The following ASIC2 variants were observed in gnomAD, a reference collection of about 807,000 sequenced individuals.
The protein encoded by ASIC2 is acid sensing ion channel subunit 2.
ASIC2 carries 25 observed loss-of-function variants against 57.3 expected under a neutral mutation model. The ratio of observed to expected loss-of-function variants is 0.44; its 90% CI spans 0.32 to 0.61. The LOEUF (loss-of-function observed/expected upper bound fraction) is 0.61, where lower values mean the gene tolerates loss of function less well. Ranked by LOEUF, ASIC2 falls within the 20% of genes least tolerant of loss-of-function variation. ASIC2 has a pLI of 0.06. For missense variants in ASIC2, 641 were observed against 738.1 expected (o/e 0.87, Z 1.52); for synonymous variants, 319 against 307.5 (o/e 1.04, Z -0.39).
At chr17:33,366,092 T>C (rs1406838025) in intron 1 of ASIC2, among the ~76,000 whole-genome samples, 2 of 152,252 alleles carry the variant, frequency 1.3e-5, no homozygotes, top group African/African-American at 4.8e-5. Flanking sequence ...TGTTTGCTTC[T>C]GGCTGATGAC....
chr17:33,683,520 T>C (rs1399809724), intron 1 of ASIC2, among the ~76,000 whole-genome samples: 1 of 152,194 alleles, frequency 6.6e-6, no homozygotes, highest in Non-Finnish European at 1.5e-5. Flanking sequence ...TATAGGCACA[T>C]GCCATCATGC....
At chr17:33,093,579 G>A (rs954825200) in intron 2 of ASIC2, among the ~76,000 whole-genome samples, 2 of 152,150 alleles carry the variant, frequency 1.3e-5, no homozygotes, top group East Asian at 1.9e-4. Context: ...ACCAAGAGGA[G>A]TGTGGTAAGA....
At chr17:34,038,414 T>C in intron 1 of ASIC2, 1 of 1,612,144 alleles carries the variant, frequency 6.2e-7, no homozygotes, top group Non-Finnish European at 8.5e-7. Context: ...ACATGCATGC[T>C]TGTGGTAATT....
intron 1 of ASIC2, among the ~76,000 whole-genome samples, chr17:33,897,661 C>T (rs944424553): frequency 6.6e-6 from 1 of 152,132 alleles, no homozygotes; most frequent in African/African-American, 2.4e-5. Context: ...AGTTAATATC[C>T]CTGGAAGGCT....
chr17:33,837,141 T>C (rs956808217), intron 1 of ASIC2, among the ~76,000 whole-genome samples: 1 of 152,144 alleles, frequency 6.6e-6, no homozygotes, highest in Non-Finnish European at 1.5e-5. Context: ...CCTGGTGTGA[T>C]GTCAAGTCTT....
chr17:33,660,452 G>T (rs1172303879), intron 1 of ASIC2, among the ~76,000 whole-genome samples: 5 of 151,706 alleles, frequency 3.3e-5, no homozygotes, highest in Non-Finnish European at 5.9e-5. Flanking sequence ...GCTTTTTTCT[G>T]TTTTTAAAAT....
chr17:33,972,550 C>T (rs1168168953), intron 1 of ASIC2, among the ~76,000 whole-genome samples: 1 of 152,170 alleles, frequency 6.6e-6, no homozygotes, highest in African/African-American at 2.4e-5. Flanking sequence ...AAGAAGCATT[C>T]TCTGTTTGGA....
intron 1 of ASIC2, among the ~76,000 whole-genome samples, chr17:33,859,050 T>C (rs142781573): frequency 9.3e-4 from 142 of 152,344 alleles, no homozygotes; most frequent in African/African-American, 3.3e-3. Flanking sequence ...GCTGAGTATG[T>C]ACTACATGCC....
chr17:33,049,857 C>G (rs1158363642), intron 3 of ASIC2, among the ~76,000 whole-genome samples: 1 of 152,162 alleles, frequency 6.6e-6, no homozygotes. Context: ...CAAGAGAAAT[C>G]CCCCATGCCC....
chr17:33,264,819 T>A (rs986194396), intron 1 of ASIC2, among the ~76,000 whole-genome samples: 3 of 152,144 alleles, frequency 2.0e-5, no homozygotes, highest in Non-Finnish European at 2.9e-5. Context: ...AGGGTGTGAG[T>A]CTAGGGTTCA....
chr17:33,480,874 CCTT>C (rs1272395446), intron 1 of ASIC2, among the ~76,000 whole-genome samples: 2 of 152,202 alleles, frequency 1.3e-5, no homozygotes. Context: ...ACCCATGCCT[CCTT>C]CTCTTCCACT....
At chr17:33,464,213 A>T (rs1912734933) in intron 1 of ASIC2, among the ~76,000 whole-genome samples, 1 of 152,118 alleles carries the variant, frequency 6.6e-6, no homozygotes, top group African/African-American at 2.4e-5. Flanking sequence ...CTGCCTGCTC[A>T]GTGGCTTCTG....
chr17:33,817,835 C>A (rs1452049333), intron 1 of ASIC2, among the ~76,000 whole-genome samples: 2 of 152,192 alleles, frequency 1.3e-5, no homozygotes, highest in Non-Finnish European at 2.9e-5. Flanking sequence ...AGCTTGAAGC[C>A]TGGGGCTAGA....
chr17:33,499,253 G>A (rs974311301), intron 1 of ASIC2, among the ~76,000 whole-genome samples: 5 of 152,220 alleles, frequency 3.3e-5, no homozygotes, highest in Admixed American at 2.6e-4. Flanking sequence ...AAGCCAACTG[G>A]CAAAACATTT....
At chr17:33,275,217 C>A (rs534281427) in intron 1 of ASIC2, among the ~76,000 whole-genome samples, 1 of 152,174 alleles carries the variant, frequency 6.6e-6, no homozygotes, top group Non-Finnish European at 1.5e-5. Flanking sequence ...TCTCTGGAAG[C>A]CTGATCCCCG....
intron 1 of ASIC2, among the ~76,000 whole-genome samples, chr17:33,331,024 A>G (rs1256406556): frequency 6.6e-6 from 1 of 151,918 alleles, no homozygotes; most frequent in Non-Finnish European, 1.5e-5. Context: ...GCTGCACAGG[A>G]GGAGGTGAGT....
At chr17:33,177,623 A>G (rs1465331310) in intron 1 of ASIC2, among the ~76,000 whole-genome samples, 1 of 152,142 alleles carries the variant, frequency 6.6e-6, no homozygotes, top group East Asian at 1.9e-4. Flanking sequence ...CCATCAGCTG[A>G]CAGCCCGGTA....
chr17:33,549,253 C>A (rs943701821), intron 1 of ASIC2, among the ~76,000 whole-genome samples: 5 of 152,130 alleles, frequency 3.3e-5, no homozygotes, highest in Admixed American at 1.3e-4. Flanking sequence ...TTTGAACATG[C>A]AGAGAACCAA....
chr17:34,086,638 G>C (rs541550919), intron 1 of ASIC2, among the ~76,000 whole-genome samples: 7 of 152,132 alleles, frequency 4.6e-5, no homozygotes, highest in Non-Finnish European at 7.3e-5. Context: ...TGACAGTGGG[G>C]TGTTAAAGTC....
Sources: gnomAD v4.1 joint callset for allele counts (sites outside exome capture counted in the v4.1 genomes callset) on GRCh38, gnomAD v4.1.1 for gene constraint, MANE v1.5 for transcripts, NCBI Gene and HGNC (gene_info 2026-07-23, HGNC 2026-07-21) for gene names.